The following UGGT2 variants were observed in gnomAD, a reference collection of about 807,000 sequenced individuals.
UGGT2 encodes the protein UDP-glucose:glycoprotein glucosyltransferase 2.
In UGGT2, 180 loss-of-function variants were observed where a neutral mutation model predicts 192.1. The observed-to-expected ratio is 0.94, with a 90% CI of 0.83 to 1.06. The LOEUF (loss-of-function observed/expected upper bound fraction) is 1.06, where lower values mean the gene tolerates loss of function less well. Among genes scored for constraint, UGGT2 ranks in the 50% least tolerant of loss-of-function variants. The pLI is 0.00. For missense variants in UGGT2, 1,849 were observed against 1,795.7 expected (o/e 1.03, Z -0.54); for synonymous variants, 580 against 591.0 (o/e 0.98, Z 0.27).
chr13:95,804,181 T>C (rs1438306658), intron 38 of UGGT2, among the ~76,000 whole-genome samples: 1 of 152,102 alleles, frequency 6.6e-6, no homozygotes, highest in Non-Finnish European at 1.5e-5. Context: ...AAAAGATCTA[T>C]AGGACTAAGA....
intron 1 of UGGT2, among the ~76,000 whole-genome samples, chr13:96,041,827 CT>C (rs2053172970): frequency 1.3e-5 from 2 of 152,060 alleles, no homozygotes; most frequent in African/African-American, 4.8e-5. Context: ...CTCCATTGAC[CT>C]AGGAATCCCA....
chr13:95,840,808 C>T (rs1334729525), intron 36 of UGGT2, among the ~76,000 whole-genome samples: 1 of 152,158 alleles, frequency 6.6e-6, no homozygotes, highest in African/African-American at 2.4e-5. Flanking sequence ...ACCCAAATGC[C>T]CATCAGTGAC....
intron 10 of UGGT2, among the ~76,000 whole-genome samples, 157 bp from the exon 11 acceptor site, chr13:95,972,828 T>A (rs1214364724): frequency 3.3e-5 from 5 of 152,250 alleles, no homozygotes; most frequent in Non-Finnish European, 4.4e-5. Context: ...TGCCTTTGTA[T>A]CTTTAGATAC....
At chr13:95,999,772 G>C (rs2051740100) in intron 5 of UGGT2, among the ~76,000 whole-genome samples, 1 of 151,956 alleles carries the variant, frequency 6.6e-6, no homozygotes, top group Admixed American at 6.6e-5. Context: ...TGGCAAAGGA[G>C]ACAAAAAAAG....
chr13:95,846,555 T>C (rs1888484276), intron 36 of UGGT2, among the ~76,000 whole-genome samples: 1 of 152,232 alleles, frequency 6.6e-6, no homozygotes, highest in South Asian at 2.1e-4. Flanking sequence ...TTATAATATC[T>C]TTGGTCTTCA....
intron 33 of UGGT2, 115 bp from the exon 34 acceptor site, chr13:95,856,455 G>A (rs1283896383): frequency 3.0e-6 from 3 of 999,988 alleles, no homozygotes; most frequent in African/African-American, 1.7e-5. Context: ...AAACTAATAG[G>A]CAAGATGTCT....
chr13:95,937,462 G>C (rs1344515385), intron 16 of UGGT2, among the ~76,000 whole-genome samples: 1 of 152,156 alleles, frequency 6.6e-6, no homozygotes, highest in Non-Finnish European at 1.5e-5. Context: ...TTGGTATAGA[G>C]TATGACATTA....
intron 12 of UGGT2, among the ~76,000 whole-genome samples, chr13:95,953,823 AAAG>A (rs2050137158): frequency 6.6e-6 from 1 of 152,188 alleles, no homozygotes; most frequent in African/African-American, 2.4e-5. Context: ...GGTAGTGTTT[AAAG>A]AATAAAGAGG....
intron 33 of UGGT2, 67 bp downstream of exon 33, chr13:95,859,524 C>A: frequency 8.0e-7 from 1 of 1,256,444 alleles, no homozygotes. Flanking sequence ...ATCATATAAA[C>A]TTACAATGAT....
At chr13:95,832,717 G>A (rs1161637842) in intron 38 of UGGT2, 1 of 662,156 alleles carries the variant, frequency 1.5e-6, no homozygotes, top group Non-Finnish European at 2.7e-6. Context: ...AGAGTTATGA[G>A]CTGAAGCTGT....
chr13:96,046,543 G>A (rs550143652), intron 1 of UGGT2, among the ~76,000 whole-genome samples: 3 of 152,198 alleles, frequency 2.0e-5, no homozygotes, highest in Non-Finnish European at 2.9e-5. Context: ...TAGCATGAGC[G>A]ATGCAGAAGA....
Position 96,053,236 on chromosome 13 carries a change from G to A in UGGT2, c.77C>T (p.Ser26Phe). ...CGACTTGGACGCGGCGACCGTCCCGGAGCCGAGCTGCGAAAGCCACAGCGC... is the reference window on the plus strand; with the variant it reads ...CGACTTGGACGCGGCGACCGTCCCGAAGCCGAGCTGCGAAAGCCACAGCGC... The part of the protein sequence containing the change: ...STALWLSQLG[S>F]GTVAASKSVT... Residue 26 changes from serine (S) to phenylalanine (F), a missense_variant, in exon 1 of 39, where the codon TCC (serine) becomes TTC (phenylalanine). Transcript: ENST00000376747. 6.5e-7 allele frequency: 1 copy of A among 1,549,460 alleles called. No individual in the cohort carries two copies. Among genetic ancestry groups the A allele is most frequent in the Non-Finnish European group, 8.7e-7 (1 of 1,155,034 alleles).
intron 20 of UGGT2, among the ~76,000 whole-genome samples, chr13:95,914,663 G>T (rs2048623362): frequency 6.9e-6 from 1 of 144,996 alleles, no homozygotes; most frequent in African/African-American, 2.6e-5. Flanking sequence ...AGCTGGGCGT[G>T]GTGATGCACG....
chr13:95,912,818 C>T (rs936680246), intron 20 of UGGT2, among the ~76,000 whole-genome samples: 16 of 152,094 alleles, frequency 1.1e-4, no homozygotes, highest in South Asian at 2.1e-4. Flanking sequence ...GGAGGCATCA[C>T]GCTACCTGAC....
chr13:95,895,851 C>A (rs2047930268), intron 22 of UGGT2, among the ~76,000 whole-genome samples: 1 of 151,906 alleles, frequency 6.6e-6, no homozygotes, highest in Non-Finnish European at 1.5e-5. Context: ...TATAATAATA[C>A]CAACCAGTCT....
chr13:95,902,212 TATTTA>T (rs1323468057), intron 21 of UGGT2, among the ~76,000 whole-genome samples: 2 of 152,142 alleles, frequency 1.3e-5, no homozygotes, highest in Non-Finnish European at 2.9e-5. Context: ...TTCACTAATG[TATTTA>T]ATTTATTTTC....
chr13:95,888,742 A>G (rs2047718329), intron 25 of UGGT2, among the ~76,000 whole-genome samples: 1 of 152,190 alleles, frequency 6.6e-6, no homozygotes, highest in Admixed American at 6.5e-5. Flanking sequence ...TTATAAAGTA[A>G]GAAATAAAGT....
rs779895980 is a variant in UGGT2, at chr13:95,996,030, A to G, written c.830+33T>C. On this transcript the variant is annotated intron_variant, in intron 7 of 38. Transcript: ENST00000376747. Reference sequence around the variant, plus strand: ...TAATTCCTTAAAAACCAATGGGTATAATAATACCAATTTCATTTCCATTCA... The same window carrying G: ...TAATTCCTTAAAAACCAATGGGTATGATAATACCAATTTCATTTCCATTCA... 5.1e-6 allele frequency: 8 copies of G among 1,571,806 alleles called. No homozygotes were observed. In the East Asian group the frequency reaches 1.8e-4, roughly 35 times the overall value.
chr13:95,925,563 C>G, intron 20 of UGGT2, 117 bp downstream of exon 20: 1 of 699,220 alleles, frequency 1.4e-6, no homozygotes, highest in East Asian at 3.2e-5. Context: ...TGAATTCCTT[C>G]GTCTACTTAA....
Sources: gnomAD v4.1 joint callset for allele counts (sites outside exome capture counted in the v4.1 genomes callset) on GRCh38, gnomAD v4.1.1 for gene constraint, MANE v1.5 for transcripts, NCBI Gene and HGNC (gene_info 2026-07-23, HGNC 2026-07-21) for gene names.